Variants in KIF21A observed in about 807,000 individuals in gnomAD.
The protein encoded by KIF21A is kinesin family member 21A.
In KIF21A, 114 loss-of-function variants were observed where a neutral mutation model predicts 202.9. That is an observed-to-expected ratio of 0.56 (90% confidence interval 0.48 to 0.66). The LOEUF (loss-of-function observed/expected upper bound fraction) is 0.66. KIF21A is among the 30% of genes least tolerant of loss of function. The probability of loss-of-function intolerance (pLI) is 0.00; values close to 1 mark genes in which losing one functional copy is unlikely to be tolerated. For synonymous variants in KIF21A, 667 were observed against 670.8 expected (o/e 0.99, Z 0.09); for missense variants, 1,677 against 1,994.9 (o/e 0.84, Z 3.04).
intron 10 of KIF21A, among the ~76,000 whole-genome samples, chr12:39,355,149 T>C (rs529931440): frequency 6.6e-6 from 1 of 152,188 alleles, no homozygotes; most frequent in Non-Finnish European, 1.5e-5. Flanking sequence ...AGGAAAGATA[T>C]GATCAGCAAC....
chr12:39,357,958 T>TAAAAAAAAAAAAA (rs1948919587), intron 8 of KIF21A, among the ~76,000 whole-genome samples: 1 of 67,738 alleles, frequency 1.5e-5, no homozygotes, highest in East Asian at 3.9e-4. Context: ...AAAAAAAAAT[T>TAAAAAAAAAAAAA]GGGTAGGAAA....
intron 21 of KIF21A, 156 bp from the exon 22 acceptor site, chr12:39,331,947 T>A: frequency 1.4e-6 from 1 of 718,510 alleles, no homozygotes. Flanking sequence ...AAACATAGGG[T>A]TTAGTTGAAA....
At chr12:39,317,869 G>A (rs746633390) in intron 29 of KIF21A, among the ~76,000 whole-genome samples, 1 of 152,094 alleles carries the variant, frequency 6.6e-6, no homozygotes, top group Non-Finnish European at 1.5e-5. Context: ...TCTACAACAG[G>A]GAATAATGTT....
intron 15 of KIF21A, 71 bp downstream of exon 15, chr12:39,340,835 T>G: frequency 8.9e-7 from 1 of 1,122,012 alleles, no homozygotes; most frequent in Non-Finnish European, 1.3e-6. Flanking sequence ...TTTTTTCTTC[T>G]AAAGGAAAAG....
chr12:39,320,245 C>T (rs575572333), intron 27 of KIF21A, among the ~76,000 whole-genome samples: 125 of 152,220 alleles, frequency 8.2e-4, no homozygotes, highest in African/African-American at 2.8e-3. Flanking sequence ...TATGTAACAA[C>T]TTACTATCTT....
At chr12:39,334,666 T>C (rs1946809424) in intron 17 of KIF21A, among the ~76,000 whole-genome samples, 1 of 152,222 alleles carries the variant, frequency 6.6e-6, no homozygotes, top group South Asian at 2.1e-4. Flanking sequence ...GGTATATAAA[T>C]GTCACCCTGA....
At chr12:39,370,785 A>C (rs1355636503) in intron 1 of KIF21A, among the ~76,000 whole-genome samples, 2 of 151,998 alleles carry the variant, frequency 1.3e-5, no homozygotes, top group East Asian at 3.8e-4. Context: ...GTAACATGTT[A>C]AGCATATTCC....
intron 10 of KIF21A, among the ~76,000 whole-genome samples, chr12:39,352,188 T>C (rs1186102908): frequency 2.6e-5 from 4 of 151,994 alleles, no homozygotes; most frequent in Non-Finnish European, 5.9e-5. Context: ...AATATTAACT[T>C]CCCCTCAGCC....
Position 39,332,951 on chromosome 12 carries a change from T to C in KIF21A, c.2644A>G (p.Met882Val), listed in dbSNP as rs146428467. 3.7e-6 allele frequency: 6 copies of C among 1,614,164 alleles called. No homozygotes were observed. Among genetic ancestry groups the C allele is most frequent in the Non-Finnish European group, 4.2e-6 (5 of 1,180,010 alleles). ...DASRTGAQQK[M>V]RIPVARVQAL... ...TGGACTCTCGCCACAGGAATTCTCA[T>C]TTTCTGCTGGGCTCCTGTCCTTGAT... Residue 882 changes from methionine to valine, a missense_variant, in exon 19 of 38, where the codon ATG (methionine) becomes GTG (valine). Coordinates refer to ENST00000361418, the MANE Select transcript of KIF21A (RefSeq NM_001173464.2).
Position 39,442,819 on chromosome 12 carries a change from GC to G in KIF21A, c.44+107del. 1 of 1,333,862 alleles carries G rather than the reference GC, an allele frequency of 7.5e-7. No individual in the cohort carries two copies. Among genetic ancestry groups the G allele is most frequent in the Admixed American group, 2.1e-5 (1 of 48,112 alleles). The allele number at this position is 1,333,862 out of a possible 1,614,324, so 82.6% of individuals were successfully genotyped here. A position where few individuals can be genotyped will look rare whatever the true frequency, so the allele number is the denominator to read the frequency against. On this transcript the variant is annotated intron_variant, in intron 1 of 37. Coordinates refer to ENST00000361418, the MANE Select transcript of KIF21A (RefSeq NM_001173464.2). This position sits in a 1 kb window ranked among gnomAD's most constrained non-coding sequence, Gnocchi z 5.0. ...CTCAGCCGCAGAACCCGGCCGGGAC[GC>G]CCCTCAGGTCGCTCCACCCCGGTAG...
intron 7 of KIF21A, among the ~76,000 whole-genome samples, chr12:39,360,586 T>C (rs1592330300): frequency 6.6e-6 from 1 of 152,028 alleles, no homozygotes; most frequent in East Asian, 1.9e-4. Flanking sequence ...AGAAACGGGG[T>C]TTTGCCATGT....
rs537261851 is a variant in KIF21A at position 39,351,012 on chromosome 12, G to C, written c.1673+765C>G. On this transcript the variant is annotated intron_variant, in intron 11 of 37. Transcript: ENST00000361418. ...AAAATGTTTAAATTTAATTTGACTG[G>C]CATGCTCAAAATATAGTCTCTGTAA... is the stretch of plus-strand genomic sequence containing the variant. 3.9e-5 allele frequency among the ~76,000 whole-genome samples: 6 copies of C among 152,056 alleles called. No homozygotes were observed. In the South Asian group the frequency reaches 1.2e-3, roughly 32 times the overall value.
At chr12:39,296,598 A>G (rs1942396204) in intron 37 of KIF21A, among the ~76,000 whole-genome samples, 1 of 152,198 alleles carries the variant, frequency 6.6e-6, no homozygotes, top group South Asian at 2.1e-4. Flanking sequence ...TTTAAATAAA[A>G]TGGCCAGGAT....
chr12:39,307,820 C>A, intron 33 of KIF21A, 91 bp from the exon 34 acceptor site: 1 of 1,056,528 alleles, frequency 9.5e-7, no homozygotes, highest in South Asian at 1.3e-5. Context: ...TGGCTGTAGG[C>A]AACAACAAGA....
rs144409104 is a variant in KIF21A at position 39,406,028 on chromosome 12, A to G, written c.45-35767T>C. On this transcript the variant is annotated intron_variant, in intron 1 of 37. Transcript: ENST00000361418. ...TCCTTTCTTCCCACCCTTCATGTTC[A>G]AGTCAAAGAAAGCTTAGAACATTCA... 1.9e-3 allele frequency among the ~76,000 whole-genome samples: 285 copies of G among 152,262 alleles called. 3 individuals are homozygous for G. Among genetic ancestry groups the G allele is most frequent in the African/African-American group, 6.6e-3 (275 of 41,574 alleles).
intron 7 of KIF21A, among the ~76,000 whole-genome samples, chr12:39,359,629 C>T (rs1316355558): frequency 5.3e-5 from 8 of 152,030 alleles, no homozygotes; most frequent in Admixed American, 3.9e-4. Flanking sequence ...ATTCAGTAAG[C>T]GTGAGGATTA....
intron 1 of KIF21A, among the ~76,000 whole-genome samples, chr12:39,385,689 T>C (rs1950897051): frequency 1.3e-5 from 2 of 152,136 alleles, no homozygotes; most frequent in African/African-American, 2.4e-5. Flanking sequence ...TCACTGTAGT[T>C]AGGGAAGCTG....
intron 4 of KIF21A, 106 bp from the exon 5 acceptor site, chr12:39,367,270 A>G: frequency 8.4e-7 from 1 of 1,185,854 alleles, no homozygotes; most frequent in Non-Finnish European, 1.2e-6. Context: ...AGGGATATAA[A>G]AGATGTGGAA....
intron 34 of KIF21A, 140 bp from the exon 35 acceptor site, chr12:39,305,078 A>G (rs1043616948): frequency 1.7e-5 from 10 of 593,896 alleles, no homozygotes; most frequent in African/African-American, 3.8e-5. Flanking sequence ...TAGAGATGGG[A>G]TCTTGGGCCG....
Sources: allele counts gnomAD v4.1 joint callset (sites outside exome capture counted in the v4.1 genomes callset), GRCh38; gene constraint gnomAD v4.1.1; non-coding constraint Gnocchi (gnomAD v3.1); transcripts MANE v1.5; gene names NCBI Gene and HGNC (gene_info 2026-07-23, HGNC 2026-07-21).